SLC25A36: variants seen among roughly 807,000 people sequenced by gnomAD.
The protein encoded by SLC25A36 is epididymis secretory sperm binding protein.
SLC25A36 carries 24 observed loss-of-function variants against 35.3 expected under a neutral mutation model. That is an observed-to-expected ratio of 0.68 (90% confidence interval 0.49 to 0.96). The LOEUF (loss-of-function observed/expected upper bound fraction) is 0.96, where lower values mean the gene tolerates loss of function less well. SLC25A36 is among the 40% of genes least tolerant of loss of function. The pLI is 0.00. For synonymous variants in SLC25A36, 141 were observed against 132.2 expected (o/e 1.07, Z -0.46); for missense variants, 294 against 381.1 (o/e 0.77, Z 1.90).
chr3:140,950,259 C>T (rs1934283593), intron 1 of SLC25A36, among the ~76,000 whole-genome samples: 1 of 152,032 alleles, frequency 6.6e-6, no homozygotes, highest in South Asian at 2.1e-4. Flanking sequence ...CCCCCACCCC[C>T]CACTGCCCCT....
chr3:140,968,407 T>C, intron 4 of SLC25A36: 1 of 953,088 alleles, frequency 1.0e-6, no homozygotes, highest in Non-Finnish European at 1.2e-6. Context: ...ATAGTAAACA[T>C]AGCTTACTGA....
At chr3:140,963,075 A>C in intron 3 of SLC25A36, 52 bp from the exon 4 acceptor site, 1 of 1,136,024 alleles carries the variant, frequency 8.8e-7, no homozygotes. Flanking sequence ...TTTATATGTA[A>C]ATCTTACGCA....
intron 1 of SLC25A36, among the ~76,000 whole-genome samples, chr3:140,954,354 C>G (rs1934420949): frequency 6.6e-6 from 1 of 152,184 alleles, no homozygotes; most frequent in Admixed American, 6.5e-5. Flanking sequence ...TATAAACATT[C>G]ATGAACAAGT....
intron 3 of SLC25A36, 56 bp from the exon 4 acceptor site, chr3:140,963,071 T>A (rs150888153): frequency 0.018 from 19,745 of 1,094,584 alleles, 216 homozygotes; most frequent in Middle Eastern, 0.022. Flanking sequence ...TCAATTTATA[T>A]GTAAATCTTA....
chr3:140,945,290 T>A (rs554466729), intron 1 of SLC25A36, among the ~76,000 whole-genome samples: 1 of 152,292 alleles, frequency 6.6e-6, no homozygotes, highest in Non-Finnish European at 1.5e-5. Flanking sequence ...CCTAATACTA[T>A]CACCTTGGGA....
chr3:140,969,998 T>C (rs1327080655), intron 4 of SLC25A36, among the ~76,000 whole-genome samples: 1 of 151,964 alleles, frequency 6.6e-6, no homozygotes, highest in Non-Finnish European at 1.5e-5. Context: ...AACCCTGTTT[T>C]GTGTAGATGA....
chr3:140,959,646 A>G, intron 3 of SLC25A36, 106 bp downstream of exon 3: 1 of 495,776 alleles, frequency 2.0e-6, no homozygotes, highest in Non-Finnish European at 3.5e-6. Context: ...TAAATGTAGT[A>G]TTCAATGTTT....
chr3:140,979,835 A>AT lies in SLC25A36; in HGVS notation c.*3383dup, dbSNP rs1192716723. 6.6e-6 allele frequency: 1 copy of AT among 152,212 alleles called. No homozygotes were observed. The highest frequency in any genetic ancestry group is 1.5e-5 in the Non-Finnish European group (1 of 68,020). The allele number at this position is 152,212 out of a possible 1,614,324, so 9.4% of individuals were successfully genotyped here. A position where few individuals can be genotyped will look rare whatever the true frequency, so the allele number is the denominator to read the frequency against. On this transcript the variant is annotated 3_prime_UTR_variant, in exon 7 of 7. Transcript: ENST00000324194. ...ATGTGAGGTTTGGTATCTTGCATTTATGTACATGGCTGTAAATTATGTGCA... is the reference window on the plus strand; with the variant it reads ...ATGTGAGGTTTGGTATCTTGCATTTATTGTACATGGCTGTAAATTATGTGCA...
At chr3:140,958,962 G>GTA (rs1242315629) in intron 2 of SLC25A36, among the ~76,000 whole-genome samples, 2 of 17,162 alleles carry the variant, frequency 1.2e-4, no homozygotes, top group Non-Finnish European at 1.9e-4. Flanking sequence ...ACAATGTTTT[G>GTA]TGTGTGTGTG....
intron 5 of SLC25A36, 121 bp downstream of exon 5, chr3:140,971,114 G>T: frequency 1.8e-6 from 1 of 549,980 alleles, no homozygotes; most frequent in South Asian, 2.5e-5. Context: ...TTGAAACTTG[G>T]GTCTGCCATC....
intron 3 of SLC25A36, among the ~76,000 whole-genome samples, chr3:140,962,248 A>G (rs917006948): frequency 6.6e-6 from 1 of 152,160 alleles, no homozygotes; most frequent in Non-Finnish European, 1.5e-5. Flanking sequence ...TAAGTACATT[A>G]AAAAAGGTAC....
intron 1 of SLC25A36, among the ~76,000 whole-genome samples, chr3:140,948,630 T>TATAC (rs1259601831): frequency 6.6e-6 from 1 of 152,266 alleles, no homozygotes; most frequent in Non-Finnish European, 1.5e-5. Flanking sequence ...CCTTTTTAAA[T>TATAC]AATATGCACA....
intron 1 of SLC25A36, among the ~76,000 whole-genome samples, chr3:140,952,259 C>G (rs1934348560): frequency 6.6e-6 from 1 of 152,098 alleles, no homozygotes. Context: ...CTCAGGTGAT[C>G]CACCTGCCTT....
intron 1 of SLC25A36, among the ~76,000 whole-genome samples, chr3:140,954,620 C>G (rs968482225): frequency 4.6e-5 from 7 of 152,148 alleles, no homozygotes; most frequent in African/African-American, 1.7e-4. Flanking sequence ...TTGCATTTCC[C>G]TGATGACAAA....
intron 5 of SLC25A36, 141 bp from the exon 6 acceptor site, chr3:140,973,574 TC>T: frequency 6.1e-6 from 4 of 656,080 alleles, no homozygotes; most frequent in African/African-American, 1.9e-5. Context: ...GAATAGGAAA[TC>T]TAAAATATGA....
At chr3:140,965,370 G>A (rs1402389454) in intron 4 of SLC25A36, 1 of 151,592 alleles carries the variant, frequency 6.6e-6, no homozygotes, top group Non-Finnish European at 1.5e-5. Flanking sequence ...ATTTTCAGCT[G>A]TCTATTCAAG....
intron 4 of SLC25A36, among the ~76,000 whole-genome samples, chr3:140,969,608 T>C (rs1934850054): frequency 6.6e-6 from 1 of 151,904 alleles, no homozygotes; most frequent in African/African-American, 2.4e-5. Context: ...GTTGAGGAAG[T>C]AAAATTTGAG....
intron 1 of SLC25A36, among the ~76,000 whole-genome samples, chr3:140,946,254 A>G (rs1934161380): frequency 6.6e-6 from 1 of 152,192 alleles, no homozygotes. Context: ...GATGAATCTT[A>G]CTGAGATGAC....
chr3:140,958,816 C>T (rs1934546774), intron 2 of SLC25A36, among the ~76,000 whole-genome samples: 1 of 152,066 alleles, frequency 6.6e-6, no homozygotes, highest in Non-Finnish European at 1.5e-5. Flanking sequence ...ATAAGAGTAG[C>T]ATGATCATAT....
Sources: allele counts gnomAD v4.1 joint callset (sites outside exome capture counted in the v4.1 genomes callset), GRCh38; gene constraint gnomAD v4.1.1; transcripts MANE v1.5; gene names NCBI Gene and HGNC (gene_info 2026-07-23, HGNC 2026-07-21).